The following SLC52A1 variants were observed in gnomAD, a reference collection of about 807,000 sequenced individuals.
The protein encoded by SLC52A1 is solute carrier family 52, riboflavin transporter, member 1.
SLC52A1 carries 20 observed loss-of-function variants against 23.2 expected under a neutral mutation model. The ratio of observed to expected loss-of-function variants is 0.86; its 90% CI spans 0.61 to 1.25. SLC52A1 has a LOEUF of 1.25. Among genes scored for constraint, SLC52A1 ranks in the 50% most tolerant of loss-of-function variants. SLC52A1 has a pLI of 0.00. For missense variants in SLC52A1, 528 were observed against 557.0 expected (o/e 0.95, Z 0.52); for synonymous variants, 260 against 256.6 (o/e 1.01, Z -0.13).
intron 2 of SLC52A1, 58 bp downstream of exon 2, chr17:5,034,419 C>A: frequency 6.2e-7 from 1 of 1,608,486 alleles, no homozygotes; most frequent in Non-Finnish European, 8.5e-7. Flanking sequence ...AGAGCTGCCA[C>A]AGGCCACCTT....
At position 5,034,445 on chromosome 17, in the gene SLC52A1, C is replaced by T. The variant is rs921624913; in HGVS notation, c.130+32G>A. 9 of 1,613,536 alleles carry T rather than the reference C, an allele frequency of 5.6e-6. No homozygotes were observed. The African/African-American group carries it at 1.2e-4, about 22-fold the overall frequency. ...AGGCCACCTTTCTGGGCATACCTGC[C>T]CCACGCTTCCCTGTACCTCCCTCCC... On this transcript the variant is annotated intron_variant, in intron 2 of 4. Coordinates refer to ENST00000254853, the MANE Select transcript of SLC52A1 (RefSeq NM_017986.4).
rs757631917 is a variant in SLC52A1, at chr17:5,034,489, C to A, written c.118G>T (p.Asp40Tyr). Residue 40 changes from aspartate to tyrosine, a missense_variant, in exon 2 of 5, where the codon GAC becomes TAC. Physicochemically the swap from Asp to Tyr is radical, Grantham distance 160. Transcript: ENST00000254853. ...CCCTCCCACTCACCCTCTGGAAGGT[C>A]TTTTACCACCACAGGCAGCTCCACC... ...IWVELPVVVK[D>Y]LPEGWSLPSY... 6 of 1,614,096 alleles carry A rather than the reference C, an allele frequency of 3.7e-6. No homozygotes were observed. In the African/African-American group the frequency reaches 4.0e-5, roughly 11 times the overall value.
Position 5,034,189 on chromosome 17 carries a change from G to T in SLC52A1, c.300C>A (p.His100Gln), listed in dbSNP as rs1330224543. ...GCTGCCCTGCCACTGGGGCCACGTG[G>T]TGCCACAGAGGGGCCAGCAGGGCTG... is the stretch of plus-strand genomic sequence containing the variant. ...VGTALLAPLW[H>Q]HVAPVAGQLH... Residue 100 changes from histidine (H) to glutamine (Q), a missense_variant, in exon 3 of 5, where the codon CAC becomes CAA. His to Gln is a conservative substitution (Grantham distance 24). Coordinates refer to ENST00000254853, the MANE Select transcript of SLC52A1 (RefSeq NM_017986.4). 1.9e-6 allele frequency: 3 copies of T among 1,614,042 alleles called. No homozygotes were observed. In the Admixed American group the frequency reaches 5.0e-5, roughly 27 times the overall value.
chr17:5,042,299 C>T (rs572453144), intron 1 of SLC52A1, among the ~76,000 whole-genome samples: 52 of 152,268 alleles, frequency 3.4e-4, no homozygotes, highest in Non-Finnish European at 7.1e-4. Flanking sequence ...TCTTGAACCC[C>T]TGTCCCACTT....
upstream of SLC52A1, among the ~76,000 whole-genome samples, chr17:5,038,496 T>C (rs1458538070): frequency 6.6e-6 from 1 of 152,050 alleles, no homozygotes; most frequent in African/African-American, 2.4e-5. Flanking sequence ...CAGACAGAAA[T>C]GGGGTCACAT....
chr17:5,036,610 C>T (rs564331022), upstream of SLC52A1, among the ~76,000 whole-genome samples: 15 of 151,476 alleles, frequency 9.9e-5, no homozygotes, highest in African/African-American at 3.6e-4. Flanking sequence ...TGGGGTTTCA[C>T]CATATTGGCC....
chr17:5,039,378 G>A (rs560101920), upstream of SLC52A1, among the ~76,000 whole-genome samples: 3 of 152,024 alleles, frequency 2.0e-5, no homozygotes, highest in Non-Finnish European at 4.4e-5. Context: ...AGGGAGCAGA[G>A]CCAGGATTTC....
upstream of SLC52A1, among the ~76,000 whole-genome samples, chr17:5,035,873 ATTTTTTT>A (rs71149503): frequency 2.9e-4 from 13 of 45,316 alleles, no homozygotes; most frequent in African/African-American, 9.3e-4. Context: ...TGTCCAGCTA[ATTTTTTT>A]TTTTTTTTTT....
upstream of SLC52A1, among the ~76,000 whole-genome samples, chr17:5,038,388 T>C (rs1975502438): frequency 6.6e-6 from 1 of 151,330 alleles, no homozygotes; most frequent in African/African-American, 2.4e-5. Flanking sequence ...GGAGACCCTG[T>C]CTCTTAAAAA....
chr17:5,039,828 G>C (rs1181606872), upstream of SLC52A1, among the ~76,000 whole-genome samples: 1 of 152,144 alleles, frequency 6.6e-6, no homozygotes, highest in Non-Finnish European at 1.5e-5. Context: ...TTGCAGAAGA[G>C]GGAAAGAAAA....
chr17:5,033,002 G>C lies in SLC52A1; in HGVS notation c.1302C>G (p.His434Gln). The change falls in exon 5 of 5, where the codon CAC becomes CAG. Residue 434 changes from histidine (H) to glutamine (Q), a missense_variant. By Grantham distance (24) the His-to-Gln change is conservative. Coordinates refer to ENST00000254853, the MANE Select transcript of SLC52A1 (RefSeq NM_017986.4). Reference protein sequence around the residue: ...GAMFPPTSIYHVFQSRKDCVD... With the variant: ...GAMFPPTSIYQVFQSRKDCVD... ...CACAGTCCTTTCTGCTTTGAAACAC[G>C]TGGTAGATGCTGGTGGGAGGGAACA... is the stretch of plus-strand genomic sequence containing the variant. 6.2e-7 allele frequency: 1 copy of C among 1,613,808 alleles called. No homozygotes were observed. Among genetic ancestry groups the C allele is most frequent in the Non-Finnish European group, 8.5e-7 (1 of 1,180,032 alleles).
rs1567734866 is a variant in SLC52A1, at chr17:5,033,942, G to T, written c.547C>A (p.Pro183Thr). Residue 183 changes from proline to threonine, a missense_variant, in exon 3 of 5, where the codon CCT (proline) becomes ACT (threonine). By Grantham distance (38) the Pro-to-Thr change is conservative. Transcript: ENST00000254853. ...AAACGCTCAGGGAAGTCGAGGGGAG[G>T]CCCAGAGGTGCCATTGGTGGGCGCT... ...PPAPTNGTSG[P>T]PLDFPERFPA... The T allele has an allele frequency of 1.2e-6, 2 of 1,614,182 alleles. No individual in the cohort carries two copies. Among genetic ancestry groups the T allele is most frequent in the South Asian group, 2.2e-5 (2 of 91,082 alleles).
At chr17:5,040,287 G>A (rs950281684), upstream of SLC52A1, among the ~76,000 whole-genome samples, 1 of 151,954 alleles carries the variant, frequency 6.6e-6, no homozygotes, top group South Asian at 2.1e-4. Context: ...GATCCACCCA[G>A]CTCAGCTTCC....
rs1322762562 is a variant in SLC52A1 at position 5,034,678 on chromosome 17, A to G, written c.-72T>C. The G allele has an allele frequency of 1.3e-6, 2 of 1,580,318 alleles. No individual in the cohort carries two copies. Among genetic ancestry groups the G allele is most frequent in the Non-Finnish European group, 1.7e-6 (2 of 1,163,464 alleles). On this transcript the variant is annotated 5_prime_UTR_variant, in exon 2 of 5. Coordinates refer to ENST00000254853, the MANE Select transcript of SLC52A1 (RefSeq NM_017986.4). ...GGTCCTTCCCTAGGTAGGTCCAAAG[A>G]TGCTTTGGTTCTTCTGGAAACTGAA...
chr17:5,039,138 C>T (rs1311158996), upstream of SLC52A1, among the ~76,000 whole-genome samples: 6 of 151,366 alleles, frequency 4.0e-5, no homozygotes, highest in Non-Finnish European at 8.8e-5. Context: ...GCCTGGCCAA[C>T]ACGGTGAAAC....
chr17:5,036,631 C>T (rs1038939924), upstream of SLC52A1, among the ~76,000 whole-genome samples: 5 of 148,550 alleles, frequency 3.4e-5, no homozygotes, highest in Non-Finnish European at 7.5e-5. Flanking sequence ...AGGCTCGTCT[C>T]GAACTCCTGA....
Position 5,034,710 on chromosome 17 carries a change from C to A in SLC52A1, c.-104G>T. 6.8e-7 allele frequency: 1 copy of A among 1,475,062 alleles called. No homozygotes were observed. The allele number at this position is 1,475,062 out of a possible 1,614,324, so 91.4% of individuals were successfully genotyped here. A position where few individuals can be genotyped will look rare whatever the true frequency, so the allele number is the denominator to read the frequency against. On this transcript the variant is annotated 5_prime_UTR_variant, in exon 2 of 5. Coordinates refer to ENST00000254853, the MANE Select transcript of SLC52A1 (RefSeq NM_017986.4). Reference sequence around the variant, plus strand: ...GGTTCTTCTGGAAACTGAAGACCTTCTAGCTGGAGGGAAACAGACAGGCTG... The same window carrying A: ...GGTTCTTCTGGAAACTGAAGACCTTATAGCTGGAGGGAAACAGACAGGCTG...
chr17:5,034,682 T>G lies in SLC52A1; in HGVS notation c.-76A>C. 5 of 1,574,182 alleles carry G rather than the reference T, an allele frequency of 3.2e-6. No homozygotes were observed. The highest frequency in any genetic ancestry group is 2.3e-5 in the South Asian group (2 of 88,122). ...CTTCCCTAGGTAGGTCCAAAGATGC[T>G]TTGGTTCTTCTGGAAACTGAAGACC... is the stretch of plus-strand genomic sequence containing the variant. On this transcript the variant is annotated 5_prime_UTR_variant, in exon 2 of 5. Transcript: ENST00000254853.
At position 5,033,875 on chromosome 17, in the gene SLC52A1, A is replaced by C; in HGVS notation, c.614T>G (p.Val205Gly). ...TFFWALTALL[V>G]TSAAAFRGLL... ...ACCCCGGAAGGCGGCAGCTGAAGTG[A>C]CCAGAAGGGCAGTCAGTGCCCAGAA... is the stretch of plus-strand genomic sequence containing the variant. The change falls in exon 3 of 5, where the codon GTC (valine) becomes GGC (glycine). Residue 205 changes from valine (V) to glycine (G), a missense_variant. By Grantham distance (109) the Val-to-Gly change is moderately radical. Coordinates refer to ENST00000254853, the MANE Select transcript of SLC52A1 (RefSeq NM_017986.4). 1 of 1,614,208 alleles carries C rather than the reference A, an allele frequency of 6.2e-7. No homozygotes were observed. Among genetic ancestry groups the C allele is most frequent in the Non-Finnish European group, 8.5e-7 (1 of 1,180,038 alleles).
Sources: allele counts gnomAD v4.1 joint callset (sites outside exome capture counted in the v4.1 genomes callset), GRCh38; gene constraint gnomAD v4.1.1; transcripts MANE v1.5; gene names NCBI Gene and HGNC (gene_info 2026-07-23, HGNC 2026-07-21).